The following CWC27 variants were observed in gnomAD, a reference collection of about 807,000 sequenced individuals.
The protein encoded by CWC27 is spliceosome-associated protein CWC27 homolog.
In CWC27, 47 loss-of-function variants were observed where a neutral mutation model predicts 63.6. The observed-to-expected ratio is 0.74, with a 90% CI of 0.58 to 0.94. CWC27 has a LOEUF of 0.94. Among genes scored for constraint, CWC27 ranks in the 40% least tolerant of loss-of-function variants. The pLI is 0.00. For synonymous variants in CWC27, 175 were observed against 179.8 expected (o/e 0.97, Z 0.22); for missense variants, 495 against 554.3 (o/e 0.89, Z 1.07).
chr5:64,941,413 C>T (rs1448350638), intron 11 of CWC27, among the ~76,000 whole-genome samples: 1 of 152,092 alleles, frequency 6.6e-6, no homozygotes, highest in Non-Finnish European at 1.5e-5. Context: ...AGTGAGAATA[C>T]TTGCTTCTTT....
intron 9 of CWC27, 134 bp from the exon 10 acceptor site, chr5:64,804,085 CTTATAATTCA>C: frequency 1.4e-6 from 1 of 714,888 alleles, no homozygotes; most frequent in Non-Finnish European, 2.1e-6. Context: ...TCTTCAAGGG[CTTATAATTCA>C]AAACAAAAGA....
chr5:64,994,283 C>G (rs1407616432), intron 13 of CWC27, among the ~76,000 whole-genome samples: 1 of 152,030 alleles, frequency 6.6e-6, no homozygotes, highest in Non-Finnish European at 1.5e-5. Flanking sequence ...CAACATTTTT[C>G]ACATTATTAA....
At chr5:64,982,824 TG>T (rs1370649215) in intron 13 of CWC27, among the ~76,000 whole-genome samples, 2 of 152,192 alleles carry the variant, frequency 1.3e-5, no homozygotes, top group East Asian at 3.8e-4. Flanking sequence ...AGACTGGTAC[TG>T]GTCCATGGCC....
chr5:64,910,645 A>C (rs996710666), intron 11 of CWC27, among the ~76,000 whole-genome samples: 1 of 152,146 alleles, frequency 6.6e-6, no homozygotes, highest in Non-Finnish European at 1.5e-5. Context: ...TACCTACTCA[A>C]GCCTTAGCAA....
chr5:64,987,059 T>C lies in CWC27; in HGVS notation c.1256+9821T>C, dbSNP rs542680359. Among the ~76,000 whole-genome samples the C allele has an allele frequency of 9.9e-5, 15 of 152,028 alleles. No homozygotes were observed. In the East Asian group the frequency reaches 2.7e-3, roughly 27 times the overall value. Reference sequence around the variant, plus strand: ...TTCCTCTGTTTTGTTTTGTTTTGTTTTGTTTATTTTTATTTTTTATTTTTT... The same window carrying C: ...TTCCTCTGTTTTGTTTTGTTTTGTTCTGTTTATTTTTATTTTTTATTTTTT... On this transcript the variant is annotated intron_variant, in intron 13 of 13. Transcript: ENST00000381070.
chr5:64,789,082 A>G, intron 7 of CWC27, 62 bp downstream of exon 7: 2 of 1,127,604 alleles, frequency 1.8e-6, no homozygotes, highest in Non-Finnish European at 2.6e-6. Context: ...TATCTTACTC[A>G]CTATTGTATC....
At chr5:64,861,020 G>C (rs1462832331) in intron 10 of CWC27, among the ~76,000 whole-genome samples, 2 of 152,096 alleles carry the variant, frequency 1.3e-5, no homozygotes, top group Non-Finnish European at 2.9e-5. Context: ...GACCTTAGTT[G>C]GGGCTCCTCA....
intron 3 of CWC27, among the ~76,000 whole-genome samples, chr5:64,782,470 A>ATAAATAAATAAATAAATAAATAAATAAT: frequency 6.7e-6 from 1 of 149,316 alleles, no homozygotes; most frequent in Non-Finnish European, 1.5e-5. Flanking sequence ...AAATAAATAA[A>ATAAATAAATAAATAAATAAATAAATAAT]TAAATAAATA....
At chr5:64,811,692 T>C (rs928086949) in intron 10 of CWC27, among the ~76,000 whole-genome samples, 2 of 152,020 alleles carry the variant, frequency 1.3e-5, no homozygotes, top group African/African-American at 4.8e-5. Flanking sequence ...ATGATCTTAT[T>C]TGATAAAGTT....
chr5:64,851,755 G>A (rs1252671608), intron 10 of CWC27, among the ~76,000 whole-genome samples: 1 of 151,724 alleles, frequency 6.6e-6, no homozygotes, highest in African/African-American at 2.4e-5. Flanking sequence ...TAATTTAGAT[G>A]CTAGCTAAGC....
chr5:64,841,451 A>G (rs536241151), intron 10 of CWC27, among the ~76,000 whole-genome samples: 1 of 152,346 alleles, frequency 6.6e-6, no homozygotes, highest in Non-Finnish European at 1.5e-5. Flanking sequence ...CATTTAAAAC[A>G]TAGCACTGTT....
chr5:64,958,245 A>T (rs1424262112), intron 11 of CWC27, among the ~76,000 whole-genome samples: 1 of 152,198 alleles, frequency 6.6e-6, no homozygotes, highest in African/African-American at 2.4e-5. Flanking sequence ...CAATGTGATT[A>T]CTAGTTTGTT....
At chr5:64,830,089 A>G (rs1235294787) in intron 10 of CWC27, among the ~76,000 whole-genome samples, 1 of 143,682 alleles carries the variant, frequency 7.0e-6, no homozygotes, top group African/African-American at 2.6e-5. Context: ...GGTTTGTTAC[A>G]TATGTATACA....
At chr5:64,962,991 C>G (rs757442489) in intron 11 of CWC27, among the ~76,000 whole-genome samples, 1 of 152,156 alleles carries the variant, frequency 6.6e-6, no homozygotes, top group Non-Finnish European at 1.5e-5. Flanking sequence ...GAGTCTCTCT[C>G]TGTTGCCCAG....
At chr5:64,880,174 A>G (rs1314699394) in intron 10 of CWC27, among the ~76,000 whole-genome samples, 2 of 151,914 alleles carry the variant, frequency 1.3e-5, no homozygotes, top group Non-Finnish European at 2.9e-5. Flanking sequence ...TCAATCATTT[A>G]TTTGTCATGG....
chr5:64,830,873 T>G (rs1002735673), intron 10 of CWC27, among the ~76,000 whole-genome samples: 1 of 152,100 alleles, frequency 6.6e-6, no homozygotes, highest in Non-Finnish European at 1.5e-5. Context: ...ATGTGCCACA[T>G]TTTCTTAGTC....
intron 7 of CWC27, among the ~76,000 whole-genome samples, chr5:64,796,678 C>G (rs1434641336): frequency 6.6e-6 from 1 of 152,090 alleles, no homozygotes; most frequent in Non-Finnish European, 1.5e-5. Context: ...ATTATCCACA[C>G]AGAGTTAGAG....
rs181069184 is a variant in CWC27 at position 64,944,000 on chromosome 5, C to T, written c.1043-27703C>T. On this transcript the variant is annotated intron_variant, in intron 11 of 13. Coordinates refer to ENST00000381070, the MANE Select transcript of CWC27 (RefSeq NM_005869.4). ...CTGCCCACCTATAACTAAGGATGAGCTGTTTGTAGTCTTAGGTCAACTCCT... is the reference window on the plus strand; with the variant it reads ...CTGCCCACCTATAACTAAGGATGAGTTGTTTGTAGTCTTAGGTCAACTCCT... Among the ~76,000 whole-genome samples, 48 of 152,190 alleles carry T rather than the reference C, an allele frequency of 3.2e-4. 1 individual carries two copies. Among genetic ancestry groups the T allele is most frequent in the Admixed American group, 2.5e-3 (38 of 15,274 alleles).
intron 13 of CWC27, among the ~76,000 whole-genome samples, chr5:64,998,877 TG>T (rs1238877875): frequency 6.6e-6 from 1 of 152,034 alleles, no homozygotes; most frequent in Non-Finnish European, 1.5e-5. Context: ...TTGAGTTTTT[TG>T]TTTTTTTACC....
Sources: gnomAD v4.1 joint callset for allele counts (sites outside exome capture counted in the v4.1 genomes callset) on GRCh38, gnomAD v4.1.1 for gene constraint, MANE v1.5 for transcripts, NCBI Gene and HGNC (gene_info 2026-07-23, HGNC 2026-07-21) for gene names.